Variants in MTHFD2L observed in about 807,000 individuals in gnomAD.
MTHFD2L encodes methylenetetrahydrofolate dehydrogenase (NADP+ dependent) 2 like, also known as bifunctional methylenetetrahydrofolate dehydrogenase/cyclohydrolase 2, mitochondrial.
A neutral mutation model predicts 34.9 loss-of-function variants in MTHFD2L; 29 were observed. The ratio of observed to expected loss-of-function variants is 0.83; its 90% CI spans 0.62 to 1.13. MTHFD2L has a LOEUF of 1.13. Ranked by LOEUF, MTHFD2L falls within the 50% of genes most tolerant of loss-of-function variation. The pLI is 0.00. For missense variants in MTHFD2L, 481 were observed against 446.5 expected (o/e 1.08, Z -0.70); for synonymous variants, 167 against 155.7 (o/e 1.07, Z -0.54).
chr4:74,274,812 G>T (rs1231018981), intron 6 of MTHFD2L, among the ~76,000 whole-genome samples: 1 of 152,140 alleles, frequency 6.6e-6, no homozygotes, highest in Non-Finnish European at 1.5e-5. Flanking sequence ...TTATGTTGTA[G>T]AAATCATCAA....
upstream of MTHFD2L, among the ~76,000 whole-genome samples, chr4:74,118,547 T>C (rs1156905253): frequency 1.3e-5 from 2 of 152,114 alleles, no homozygotes; most frequent in Non-Finnish European, 2.9e-5. Flanking sequence ...TATTTAGAAA[T>C]AGGGCCTTTA....
chr4:74,225,322 G>T lies in MTHFD2L; in HGVS notation c.733G>T (p.Ala245Ser). The T allele has an allele frequency of 1.2e-6, 2 of 1,612,526 alleles. No homozygotes were observed. The highest frequency in any genetic ancestry group is 1.7e-6 in the Non-Finnish European group (2 of 1,178,982). ...TCCAGGTGATGCAACTGTGACAATA[G>T]CTCACAGATACACCCCCAAAGAGCA... is the stretch of plus-strand genomic sequence containing the variant. ...RPGGDATVTIAHRYTPKEQLK... is the reference protein window; with the variant it reads ...RPGGDATVTISHRYTPKEQLK... The change falls in exon 6 of 8, where the codon GCT becomes TCT. Residue 245 changes from alanine to serine, a missense_variant. By Grantham distance (99) the Ala-to-Ser change is moderately conservative. Coordinates refer to ENST00000325278, the MANE Select transcript of MTHFD2L (RefSeq NM_001144978.3).
At chr4:74,290,920 G>A (rs1040787103) in intron 7 of MTHFD2L, among the ~76,000 whole-genome samples, 6 of 148,108 alleles carry the variant, frequency 4.1e-5, no homozygotes, top group Admixed American at 6.8e-5. Context: ...GCTATACTGC[G>A]TTGCACTTTT....
At chr4:74,184,556 CAAAT>C (rs1730785260) in intron 3 of MTHFD2L, among the ~76,000 whole-genome samples, 2 of 151,814 alleles carry the variant, frequency 1.3e-5, no homozygotes, top group Non-Finnish European at 2.9e-5. Flanking sequence ...GAAAAATAAT[CAAAT>C]AAAAAATTAT....
At chr4:74,196,530 G>A (rs1733497052) in intron 3 of MTHFD2L, among the ~76,000 whole-genome samples, 1 of 152,168 alleles carries the variant, frequency 6.6e-6, no homozygotes, top group Non-Finnish European at 1.5e-5. Context: ...GTGGAAGGTG[G>A]CATTTTTAAA....
At chr4:74,125,273 C>T (rs969331463), upstream of MTHFD2L, among the ~76,000 whole-genome samples, 1 of 152,086 alleles carries the variant, frequency 6.6e-6, no homozygotes, top group Non-Finnish European at 1.5e-5. Flanking sequence ...CAATCAGTGG[C>T]CTTTGGAAAA....
At chr4:74,204,417 CAT>C (rs565006173) in intron 5 of MTHFD2L, among the ~76,000 whole-genome samples, 22 of 152,276 alleles carry the variant, frequency 1.4e-4, no homozygotes, top group African/African-American at 5.1e-4. Flanking sequence ...TTCTAACTAT[CAT>C]GTGTGAAGTA....
At chr4:74,276,724 G>C (rs1746700123) in intron 6 of MTHFD2L, among the ~76,000 whole-genome samples, 1 of 152,072 alleles carries the variant, frequency 6.6e-6, no homozygotes, top group Non-Finnish European at 1.5e-5. Context: ...GCAACTATAT[G>C]CTTCCGATCA....
chr4:74,200,970 A>C (rs112694479), intron 4 of MTHFD2L, among the ~76,000 whole-genome samples: 184 of 152,310 alleles, frequency 1.2e-3, no homozygotes, highest in African/African-American at 4.1e-3. Flanking sequence ...AATATATGTT[A>C]AAACTCTACT....
At chr4:74,161,697 T>G (rs1725505371) in intron 1 of MTHFD2L, 1 of 152,226 alleles carries the variant, frequency 6.6e-6, no homozygotes, top group East Asian at 1.9e-4. Flanking sequence ...TTAATCATGG[T>G]CTTACTAATA....
At chr4:74,144,987 G>T (rs2109842826) in intron 1 of MTHFD2L, among the ~76,000 whole-genome samples, 1 of 152,210 alleles carries the variant, frequency 6.6e-6, no homozygotes, top group Non-Finnish European at 1.5e-5. Flanking sequence ...CTCACACTGT[G>T]CATTGGAATC....
chr4:74,172,430 G>T (rs1728198696), intron 1 of MTHFD2L, among the ~76,000 whole-genome samples: 4 of 151,636 alleles, frequency 2.6e-5, no homozygotes, highest in Admixed American at 2.6e-4. Flanking sequence ...TGTCTTGAAA[G>T]CTATTAAAAT....
At chr4:74,135,501 C>G (rs2109817641) in intron 1 of MTHFD2L, among the ~76,000 whole-genome samples, 1 of 152,108 alleles carries the variant, frequency 6.6e-6, no homozygotes, top group Admixed American at 6.5e-5. Context: ...GAAATCAAAG[C>G]CATAATAAAA....
intron 5 of MTHFD2L, among the ~76,000 whole-genome samples, chr4:74,211,512 C>A (rs1378315664): frequency 6.6e-6 from 1 of 152,170 alleles, no homozygotes. Flanking sequence ...ATTGAACCAG[C>A]CTTGCATCCC....
intron 5 of MTHFD2L, among the ~76,000 whole-genome samples, chr4:74,206,053 G>A (rs1257309079): frequency 6.6e-6 from 1 of 151,530 alleles, no homozygotes. Context: ...AACCAAACAC[G>A]AGTCCAGATG....
chr4:74,181,360 C>T (rs1730133004), intron 3 of MTHFD2L, among the ~76,000 whole-genome samples: 1 of 152,106 alleles, frequency 6.6e-6, no homozygotes, highest in Non-Finnish European at 1.5e-5. Flanking sequence ...TACAGAAGTG[C>T]TTTATATACA....
upstream of MTHFD2L, among the ~76,000 whole-genome samples, chr4:74,154,662 T>C (rs1234800879): frequency 6.6e-6 from 1 of 152,106 alleles, no homozygotes; most frequent in Admixed American, 6.5e-5. Flanking sequence ...TTTCCAGAAT[T>C]ACACGATGCT....
intron 6 of MTHFD2L, among the ~76,000 whole-genome samples, chr4:74,246,867 T>C (rs1193611057): frequency 6.6e-6 from 1 of 152,186 alleles, no homozygotes; most frequent in Non-Finnish European, 1.5e-5. Flanking sequence ...TAACATGCTG[T>C]TTTGGTTACT....
intron 6 of MTHFD2L, among the ~76,000 whole-genome samples, chr4:74,249,463 A>G: frequency 6.6e-6 from 1 of 151,878 alleles, no homozygotes; most frequent in African/African-American, 2.4e-5. Context: ...TTTTAGTTGG[A>G]GCATTTAGTC....
Sources: gnomAD v4.1 joint callset for allele counts (sites outside exome capture counted in the v4.1 genomes callset) on GRCh38, gnomAD v4.1.1 for gene constraint, MANE v1.5 for transcripts, NCBI Gene and HGNC (gene_info 2026-07-23, HGNC 2026-07-21) for gene names.